TFDP2: variants seen among roughly 807,000 people sequenced by gnomAD.
TFDP2 encodes the protein transcription factor Dp-2 (E2F dimerization partner 2).
Under a neutral mutation model 59.3 loss-of-function variants are expected in TFDP2, and 17 were observed. The ratio of observed to expected loss-of-function variants is 0.29; its 90% CI spans 0.20 to 0.43. The LOEUF (loss-of-function observed/expected upper bound fraction) is 0.43, where lower values mean the gene tolerates loss of function less well. TFDP2 is among the 20% of genes least tolerant of loss of function. TFDP2 has a pLI of 1.00. For synonymous variants in TFDP2, 180 were observed against 194.7 expected (o/e 0.92, Z 0.63); for missense variants, 391 against 528.8 (o/e 0.74, Z 2.56).
At chr3:142,008,234 C>T (rs1944372396) in intron 3 of TFDP2, among the ~76,000 whole-genome samples, 1 of 151,980 alleles carries the variant, frequency 6.6e-6, no homozygotes, top group African/African-American at 2.4e-5. Flanking sequence ...CAGGGCTGAG[C>T]ACCACGGCTC....
chr3:142,049,049 C>T (rs1281379546), intron 3 of TFDP2, among the ~76,000 whole-genome samples: 5 of 152,076 alleles, frequency 3.3e-5, no homozygotes, highest in Admixed American at 3.3e-4. Flanking sequence ...CAAAACACAG[C>T]AGATTTCTTA....
intron 7 of TFDP2, among the ~76,000 whole-genome samples, chr3:141,976,218 A>G (rs1411906472): frequency 1.3e-5 from 2 of 152,216 alleles, no homozygotes; most frequent in East Asian, 1.9e-4. Flanking sequence ...ATATACTAAT[A>G]TATCTAATCT....
intron 6 of TFDP2, among the ~76,000 whole-genome samples, chr3:141,980,149 TC>T (rs1240903793): frequency 2.7e-5 from 4 of 147,816 alleles, no homozygotes; most frequent in Non-Finnish European, 5.9e-5. Flanking sequence ...AAGTGATCCC[TC>T]CCATCTCAGC....
At chr3:142,132,667 C>T (rs1032294370) in intron 1 of TFDP2, among the ~76,000 whole-genome samples, 4 of 147,884 alleles carry the variant, frequency 2.7e-5, no homozygotes, top group African/African-American at 1.0e-4. Context: ...ATCGCTTGCA[C>T]CCGGGAGGCA....
intron 2 of TFDP2, among the ~76,000 whole-genome samples, chr3:142,097,481 AAG>A (rs1425053813): frequency 2.0e-5 from 3 of 152,112 alleles, no homozygotes; most frequent in Non-Finnish European, 4.4e-5. Flanking sequence ...GCTTGAGCCC[AAG>A]AGTTTGAGAC....
At chr3:141,954,104 G>A (rs1936262371) in intron 11 of TFDP2, among the ~76,000 whole-genome samples, 1 of 151,964 alleles carries the variant, frequency 6.6e-6, no homozygotes, top group African/African-American at 2.4e-5. Context: ...AGGTTGCAGT[G>A]AGCTGAGATT....
At chr3:142,007,580 C>T (rs1025468383) in intron 3 of TFDP2, among the ~76,000 whole-genome samples, 2 of 152,240 alleles carry the variant, frequency 1.3e-5, no homozygotes, top group Admixed American at 1.3e-4. Flanking sequence ...ATTTATTGTG[C>T]ACTTTATTTC....
chr3:142,125,645 T>C (rs910412047), intron 1 of TFDP2, among the ~76,000 whole-genome samples: 4 of 152,310 alleles, frequency 2.6e-5, no homozygotes, highest in Admixed American at 2.0e-4. Context: ...CATTGTGTAT[T>C]GATATAGAGT....
chr3:141,983,936 T>C (rs1315015117), intron 6 of TFDP2, among the ~76,000 whole-genome samples: 1 of 152,164 alleles, frequency 6.6e-6, no homozygotes, highest in Non-Finnish European at 1.5e-5. Context: ...AGAATTACCA[T>C]ATGATCCAGT....
intron 1 of TFDP2, among the ~76,000 whole-genome samples, chr3:142,119,227 A>T (rs1330907296): frequency 7.2e-5 from 11 of 152,166 alleles, no homozygotes; most frequent in Non-Finnish European, 1.3e-4. Flanking sequence ...ACAATGAAAG[A>T]TCCTACCAGA....
At chr3:142,117,540 C>T (rs2061888684) in intron 1 of TFDP2, among the ~76,000 whole-genome samples, 1 of 151,868 alleles carries the variant, frequency 6.6e-6, no homozygotes. Flanking sequence ...AGCAGAGGGG[C>T]AAAGGGGATT....
At chr3:141,972,118 CT>C (rs1447279711) in intron 8 of TFDP2, among the ~76,000 whole-genome samples, 1 of 152,198 alleles carries the variant, frequency 6.6e-6, no homozygotes. Flanking sequence ...CCACGTTTTA[CT>C]TTTAAATTAC....
chr3:142,093,201 T>C (rs1576963404), intron 2 of TFDP2, 74 bp from the exon 3 acceptor site: 1 of 968,914 alleles, frequency 1.0e-6, no homozygotes, highest in African/African-American at 1.7e-5. Flanking sequence ...CTATTTTATA[T>C]CTTCCATCAG....
chr3:142,099,201 A>G (rs532620104), intron 2 of TFDP2, among the ~76,000 whole-genome samples: 1 of 152,130 alleles, frequency 6.6e-6, no homozygotes, highest in African/African-American at 2.4e-5. Flanking sequence ...CCCTTGAAAC[A>G]CTTTCTTCAC....
At chr3:142,139,612 T>C (rs951515380) in intron 1 of TFDP2, among the ~76,000 whole-genome samples, 1 of 152,228 alleles carries the variant, frequency 6.6e-6, no homozygotes, top group African/African-American at 2.4e-5. Context: ...ATTTTATTTC[T>C]CCTTCACTTA....
intron 4 of TFDP2, among the ~76,000 whole-genome samples, chr3:141,998,200 C>A (rs117029854): frequency 2.0e-5 from 3 of 151,940 alleles, no homozygotes; most frequent in Non-Finnish European, 2.9e-5. Flanking sequence ...GAGAGTGAAA[C>A]GTAAGAAATA....
chr3:142,072,943 A>G (rs1576906882), intron 3 of TFDP2, among the ~76,000 whole-genome samples: 1 of 152,322 alleles, frequency 6.6e-6, no homozygotes, highest in East Asian at 1.9e-4. Context: ...CAATCCACAC[A>G]ATGACTTCCT....
In TFDP2 at chr3:141,949,580, C is replaced by G. The variant is rs942415152; in HGVS notation, c.*2933G>C. On this transcript the variant is annotated 3_prime_UTR_variant, in exon 13 of 13. Coordinates refer to ENST00000489671, the MANE Select transcript of TFDP2 (RefSeq NM_001178139.2). ...CGCCCTACCCACTGAGGGCCAGGCA[C>G]GCAGGTCCTAGTGCCACTGTGCGTG... 6.6e-6 allele frequency: 1 copy of G among 152,220 alleles called. No homozygotes were observed. Among genetic ancestry groups the G allele is most frequent in the Non-Finnish European group, 1.5e-5 (1 of 68,082 alleles). 9.4% of individuals were successfully genotyped at this position (152,220 alleles called of 1,614,324 possible).
chr3:142,075,733 A>G (rs1018913770), intron 3 of TFDP2, among the ~76,000 whole-genome samples: 12 of 130,970 alleles, frequency 9.2e-5, no homozygotes, highest in African/African-American at 2.9e-4. Flanking sequence ...CTGTCTCTAC[A>G]GAAAAAAAAA....
Sources: gnomAD v4.1 joint callset for allele counts (sites outside exome capture counted in the v4.1 genomes callset) on GRCh38, gnomAD v4.1.1 for gene constraint, MANE v1.5 for transcripts, NCBI Gene and HGNC (gene_info 2026-07-23, HGNC 2026-07-21) for gene names.